The following FAM171B variants were observed in gnomAD, a reference collection of about 807,000 sequenced individuals.
The protein encoded by FAM171B is family with sequence similarity 171 member B, also known as protein FAM171B.
FAM171B carries 19 observed loss-of-function variants against 75.6 expected under a neutral mutation model. That is an observed-to-expected ratio of 0.25 (90% confidence interval 0.18 to 0.37). The LOEUF (loss-of-function observed/expected upper bound fraction) is 0.37. Among genes scored for constraint, FAM171B ranks in the 10% least tolerant of loss-of-function variants. The probability of loss-of-function intolerance (pLI) is 1.00; values close to 1 mark genes in which losing one functional copy is unlikely to be tolerated. For synonymous variants in FAM171B, 367 were observed against 361.7 expected, an observed-to-expected ratio of 1.01 and a Z score of -0.17; for missense variants, 848 against 982.4, an observed-to-expected ratio of 0.86 and a Z score of 1.83.
chr2:186,720,133 G>A (rs1404831696), intron 1 of FAM171B, among the ~76,000 whole-genome samples: 1 of 152,192 alleles, frequency 6.6e-6, no homozygotes, highest in African/African-American at 2.4e-5. Context: ...CACCTCCTGG[G>A]TTCGAGTGAT....
At position 186,720,879 on chromosome 2, in the gene FAM171B, G is replaced by T. The variant is rs140652515; in HGVS notation, c.239-19349G>T. 3.4e-3 allele frequency among the ~76,000 whole-genome samples: 518 copies of T among 152,158 alleles called. 12 individuals are homozygous for T. Among genetic ancestry groups the T allele is most frequent in the Admixed American group, 0.027 (410 of 15,282 alleles). Reference sequence around the variant, plus strand: ...TTTAAAATAATAATAGTAACTATCAGCAGATCTGGTAGCCATCAAAGGTCA... The same window carrying T: ...TTTAAAATAATAATAGTAACTATCATCAGATCTGGTAGCCATCAAAGGTCA... On this transcript the variant is annotated intron_variant, in intron 1 of 7. Transcript: ENST00000304698.
chr2:186,710,210 G>A (rs1314574726), intron 1 of FAM171B, among the ~76,000 whole-genome samples: 1 of 152,224 alleles, frequency 6.6e-6, no homozygotes, highest in Non-Finnish European at 1.5e-5. Flanking sequence ...CTTAAGAGGA[G>A]AAGCATATGG....
rs1008068869 is a variant in FAM171B, at chr2:186,763,103, G to T, written c.*280G>T. The T allele has an allele frequency of 9.1e-6, 3 of 330,568 alleles. No individual in the cohort carries two copies. Among genetic ancestry groups the T allele is most frequent in the Admixed American group, 9.2e-5 (2 of 21,638 alleles). The allele number at this position is 330,568 out of a possible 1,614,324, so 20.5% of individuals were successfully genotyped here. On this transcript the variant is annotated 3_prime_UTR_variant, in exon 8 of 8. Transcript: ENST00000304698. ...GTTATCTGAAAATGTTGCTCAGCCA[G>T]CCAGTTTGGCCTTGACTCTCTTAAG...
chr2:186,756,296 A>T lies in FAM171B; in HGVS notation c.1012+2247A>T, dbSNP rs111257000. Among the ~76,000 whole-genome samples the T allele has an allele frequency of 7.6e-3, 1,119 of 146,362 alleles. 14 individuals carry two copies. The highest frequency in any genetic ancestry group is 0.027 in the African/African-American group (1,067 of 40,002). ...ATTTATTCTGCAAGCCTATCAGTCAAAGCAATACTACATTAGAAGTATGGA... is the reference window on the plus strand; with the variant it reads ...ATTTATTCTGCAAGCCTATCAGTCATAGCAATACTACATTAGAAGTATGGA... On this transcript the variant is annotated intron_variant, in intron 6 of 7. Coordinates refer to ENST00000304698, the MANE Select transcript of FAM171B (RefSeq NM_177454.4).
intron 1 of FAM171B, among the ~76,000 whole-genome samples, chr2:186,714,398 G>C (rs1271976467): frequency 6.6e-6 from 1 of 152,146 alleles, no homozygotes; most frequent in Non-Finnish European, 1.5e-5. Context: ...TTTGTTAAAA[G>C]ATGAGATGAA....
Position 186,763,045 on chromosome 2 carries a change from G to A in FAM171B, c.*222G>A. 2.0e-6 allele frequency: 1 copy of A among 504,250 alleles called. No individual in the cohort carries two copies. The highest frequency in any genetic ancestry group is 3.4e-6 in the Non-Finnish European group (1 of 296,726). The allele number at this position is 504,250 out of a possible 1,614,324, so 31.2% of individuals were successfully genotyped here. A position where few individuals can be genotyped will look rare whatever the true frequency, so the allele number is the denominator to read the frequency against. ...TGGGTGATGAATTTACAGTATCTAA[G>A]TTTTCAAAATGTAAAATAGCTTCAA... On this transcript the variant is annotated 3_prime_UTR_variant, in exon 8 of 8. Transcript: ENST00000304698.
intron 1 of FAM171B, among the ~76,000 whole-genome samples, chr2:186,712,908 C>A (rs1241101459): frequency 2.6e-5 from 4 of 152,204 alleles, no homozygotes; most frequent in Non-Finnish European, 5.9e-5. Flanking sequence ...CTTATAAAAA[C>A]ACATTTCTAA....
At chr2:186,727,318 AC>A (rs1451010089) in intron 1 of FAM171B, among the ~76,000 whole-genome samples, 1 of 152,174 alleles carries the variant, frequency 6.6e-6, no homozygotes, top group Non-Finnish European at 1.5e-5. Context: ...ATTTGACCAT[AC>A]TTTGAAGGAT....
rs1361417616 is a variant in FAM171B at position 186,763,942 on chromosome 2, A to G, written c.*1119A>G. On this transcript the variant is annotated 3_prime_UTR_variant, in exon 8 of 8. Transcript: ENST00000304698. ...ACAGTTTCAATTTCAGGGGAAAAGT[A>G]AAAGTTTTTCCCTAAGTCACTTAAA... 1 of 152,244 alleles carries G rather than the reference A, an allele frequency of 6.6e-6. No homozygotes were observed. The highest frequency in any genetic ancestry group is 2.1e-4 in the South Asian group (1 of 4,826). The allele number at this position is 152,244 out of a possible 1,614,324, so 9.4% of individuals were successfully genotyped here. A position where few individuals can be genotyped will look rare whatever the true frequency, so the allele number is the denominator to read the frequency against.
chr2:186,696,624 C>G (rs1689585374), intron 1 of FAM171B, among the ~76,000 whole-genome samples: 2 of 150,536 alleles, frequency 1.3e-5, no homozygotes. Context: ...CTAACTCTCT[C>G]CACTGTAGCC....
chr2:186,735,006 T>A (rs887838513), intron 1 of FAM171B, among the ~76,000 whole-genome samples: 7 of 152,158 alleles, frequency 4.6e-5, no homozygotes, highest in African/African-American at 7.2e-5. Context: ...CCTGGGCCCC[T>A]GAGAGCAGAG....
chr2:186,747,575 A>C (rs974131138), intron 4 of FAM171B, among the ~76,000 whole-genome samples: 19 of 152,128 alleles, frequency 1.2e-4, no homozygotes, highest in Non-Finnish European at 1.5e-5. Flanking sequence ...TTGAAAATTT[A>C]ATACATTCAA....
rs139579526 is a variant in FAM171B, at chr2:186,734,519, C to T, written c.239-5709C>T. ...ATCTCTGTGGCCCTCAGGTGAGAGG[C>T]GATCCAGAGTGGGTAGCTCCTATCC... On this transcript the variant is annotated intron_variant, in intron 1 of 7. Transcript: ENST00000304698. Among the ~76,000 whole-genome samples the T allele has an allele frequency of 4.9e-3, 744 of 151,440 alleles. 6 individuals are homozygous for T. Among genetic ancestry groups the T allele is most frequent in the African/African-American group, 0.017 (696 of 41,274 alleles).
intron 1 of FAM171B, among the ~76,000 whole-genome samples, chr2:186,732,181 G>GT (rs1369847180): frequency 6.6e-6 from 1 of 151,696 alleles, no homozygotes; most frequent in Admixed American, 6.6e-5. Context: ...TTTTTTTGTT[G>GT]TTTTTTAAAC....
chr2:186,722,242 C>T (rs1436657588), intron 1 of FAM171B, among the ~76,000 whole-genome samples: 2 of 152,058 alleles, frequency 1.3e-5, no homozygotes, highest in African/African-American at 4.8e-5. Context: ...GGGACCTGCC[C>T]CAAATCTCAG....
At chr2:186,733,780 G>C (rs1321884096) in intron 1 of FAM171B, among the ~76,000 whole-genome samples, 3 of 152,176 alleles carry the variant, frequency 2.0e-5, no homozygotes, top group Non-Finnish European at 4.4e-5. Flanking sequence ...GGCTGGAACA[G>C]GTGTACCTCA....
chr2:186,729,948 G>GT (rs1690089591), intron 1 of FAM171B, among the ~76,000 whole-genome samples: 1 of 151,464 alleles, frequency 6.6e-6, no homozygotes, highest in Non-Finnish European at 1.5e-5. Context: ...TTCGTTTTTT[G>GT]TTTTTTGTTT....
rs769954296 is a variant in FAM171B at position 186,761,585 on chromosome 2, G to C, written c.1243G>C (p.Val415Leu). 1.2e-5 allele frequency: 20 copies of C among 1,613,198 alleles called. No homozygotes were observed. The highest frequency in any genetic ancestry group is 1.7e-5 in the Non-Finnish European group (20 of 1,179,626). Residue 415 changes from valine to leucine, a missense_variant, in exon 8 of 8, where the codon GTT becomes CTT. By Grantham distance (32) the Val-to-Leu change is conservative. Transcript: ENST00000304698. ...AACACACATAAATCATATCAGTACA[G>C]TTAAAGTTGCATTAAAAGCTGAGGA... ...STTHINHISTVKVALKAEDKS... is the reference protein window; with the variant it reads ...STTHINHISTLKVALKAEDKS...
chr2:186,727,563 G>A (rs1288678110), intron 1 of FAM171B, among the ~76,000 whole-genome samples: 1 of 152,108 alleles, frequency 6.6e-6, no homozygotes, highest in Non-Finnish European at 1.5e-5. Flanking sequence ...AAATGAATTA[G>A]CATGACTGCG....
Sources: allele counts gnomAD v4.1 joint callset (sites outside exome capture counted in the v4.1 genomes callset), GRCh38; gene constraint gnomAD v4.1.1; transcripts MANE v1.5; gene names NCBI Gene and HGNC (gene_info 2026-07-23, HGNC 2026-07-21).